The following CDK14 variants were observed in gnomAD, a reference collection of about 807,000 sequenced individuals.
CDK14 encodes cyclin dependent kinase 14.
In CDK14, 34 loss-of-function variants were observed where a neutral mutation model predicts 60.7. The ratio of observed to expected loss-of-function variants is 0.56; its 90% confidence interval spans 0.43 to 0.75. CDK14 has a LOEUF of 0.75. Ranked by LOEUF, CDK14 falls within the 30% of genes least tolerant of loss-of-function variation. The probability of loss-of-function intolerance (pLI) is 0.00; values close to 1 mark genes in which losing one functional copy is unlikely to be tolerated. For missense variants in CDK14, 482 were observed against 564.1 expected (o/e 0.85, Z 1.47); for synonymous variants, 197 against 203.7 (o/e 0.97, Z 0.28).
At chr7:90,737,158 C>T (rs965880426) in intron 3 of CDK14, among the ~76,000 whole-genome samples, 1 of 152,170 alleles carries the variant, frequency 6.6e-6, no homozygotes. Context: ...TCCTCTAACC[C>T]AGCTGTGCTC....
intron 8 of CDK14, among the ~76,000 whole-genome samples, chr7:90,919,274 A>G (rs1395431823): frequency 6.6e-6 from 1 of 152,186 alleles, no homozygotes; most frequent in Non-Finnish European, 1.5e-5. Flanking sequence ...GTATATTTAT[A>G]AAAAGCATTT....
intron 14 of CDK14, among the ~76,000 whole-genome samples, chr7:91,167,026 G>C (rs1245376103): frequency 1.3e-5 from 2 of 152,212 alleles, no homozygotes; most frequent in African/African-American, 4.8e-5. Flanking sequence ...CTTTAGTATA[G>C]ACAAATTGTA....
chr7:91,058,484 C>T (rs1229804783), intron 11 of CDK14, among the ~76,000 whole-genome samples: 1 of 152,120 alleles, frequency 6.6e-6, no homozygotes, highest in Non-Finnish European at 1.5e-5. Flanking sequence ...TGTCTTGTGC[C>T]AGTTTTCAAA....
chr7:91,171,591 C>T (rs1339878320), intron 14 of CDK14, among the ~76,000 whole-genome samples: 3 of 152,146 alleles, frequency 2.0e-5, no homozygotes, highest in African/African-American at 7.2e-5. Context: ...CTTCTCTGCT[C>T]AGATTTAATC....
intron 7 of CDK14, among the ~76,000 whole-genome samples, chr7:90,902,780 A>G (rs925480583): frequency 2.0e-5 from 3 of 152,204 alleles, no homozygotes; most frequent in Non-Finnish European, 4.4e-5. Context: ...TCTGCAAAGC[A>G]AAGGAAACAG....
At chr7:90,934,182 T>C (rs1473299454) in intron 8 of CDK14, among the ~76,000 whole-genome samples, 4 of 152,332 alleles carry the variant, frequency 2.6e-5, no homozygotes, top group Middle Eastern at 3.4e-3. Context: ...TTTCAGCATG[T>C]GTTTCTCTGG....
rs1215592847 is a variant in CDK14 at position 91,078,738 on chromosome 7, C to T, written c.1106-694C>T. Among the ~76,000 whole-genome samples the T allele has an allele frequency of 3.3e-5, 5 of 152,160 alleles. No individual in the cohort carries two copies. The South Asian group carries it at 6.2e-4, about 19-fold the overall frequency. On this transcript the variant is annotated intron_variant, in intron 11 of 14. Transcript: ENST00000380050. ...AAAATCAATGGTATATATGTTCGTACATAAGGATGGGTGTATTTCATAAAC... is the reference window on the plus strand; with the variant it reads ...AAAATCAATGGTATATATGTTCGTATATAAGGATGGGTGTATTTCATAAAC...
intron 5 of CDK14, among the ~76,000 whole-genome samples, chr7:90,819,726 A>G (rs1205295887): frequency 1.3e-5 from 2 of 152,182 alleles, no homozygotes; most frequent in African/African-American, 4.8e-5. Context: ...TAGGAAGAAG[A>G]GGATTTGCAA....
chr7:90,809,342 G>C (rs937146261), intron 5 of CDK14, among the ~76,000 whole-genome samples: 4 of 152,224 alleles, frequency 2.6e-5, no homozygotes, highest in African/African-American at 9.6e-5. Context: ...CAACTACATG[G>C]AAACTGAACA....
At chr7:90,967,705 A>G (rs1483136889) in intron 9 of CDK14, among the ~76,000 whole-genome samples, 1 of 152,250 alleles carries the variant, frequency 6.6e-6, no homozygotes, top group East Asian at 1.9e-4. Flanking sequence ...AGTGGATTAT[A>G]GAAAGTAGTT....
At chr7:90,631,806 T>G (rs1041084094) in intron 2 of CDK14, 3 of 152,174 alleles carry the variant, frequency 2.0e-5, no homozygotes, top group African/African-American at 7.2e-5. Flanking sequence ...TAATTGGAGC[T>G]AGAAAGATAC....
At chr7:90,668,467 A>G (rs1046360680) in intron 2 of CDK14, among the ~76,000 whole-genome samples, 1 of 151,688 alleles carries the variant, frequency 6.6e-6, no homozygotes, top group Non-Finnish European at 1.5e-5. Context: ...TTGTCTTTTC[A>G]TTTTCTTAAT....
At chr7:90,784,331 A>T (rs959660818) in intron 4 of CDK14, among the ~76,000 whole-genome samples, 5 of 152,182 alleles carry the variant, frequency 3.3e-5, no homozygotes, top group African/African-American at 9.7e-5. Context: ...AGATAGAAGG[A>T]ATAAGACCAT....
intron 10 of CDK14, among the ~76,000 whole-genome samples, chr7:91,025,348 G>A (rs1796541400): frequency 6.6e-6 from 1 of 152,064 alleles, no homozygotes; most frequent in Non-Finnish European, 1.5e-5. Context: ...TCCAAAGATT[G>A]TCCAAAGAAG....
intron 2 of CDK14, among the ~76,000 whole-genome samples, chr7:90,639,541 G>A (rs1584760420): frequency 4.6e-5 from 7 of 152,024 alleles, no homozygotes; most frequent in Admixed American, 3.9e-4. Flanking sequence ...TGTACCTACT[G>A]GGGTGTGCCT....
At chr7:90,957,465 C>T (rs994513238) in intron 9 of CDK14, among the ~76,000 whole-genome samples, 1 of 151,930 alleles carries the variant, frequency 6.6e-6, no homozygotes, top group Non-Finnish European at 1.5e-5. Context: ...ATTGTCTCAG[C>T]CCAAAATCTC....
At chr7:90,900,240 T>A (rs986995638) in intron 7 of CDK14, among the ~76,000 whole-genome samples, 2 of 152,148 alleles carry the variant, frequency 1.3e-5, no homozygotes, top group South Asian at 4.1e-4. Context: ...TAGGAACTTA[T>A]AGGAAATCTG....
intron 5 of CDK14, among the ~76,000 whole-genome samples, chr7:90,840,416 G>A (rs1163053303): frequency 6.6e-6 from 1 of 152,144 alleles, no homozygotes; most frequent in Non-Finnish European, 1.5e-5. Flanking sequence ...ATAGTGATTT[G>A]CCAAAAATAT....
chr7:90,973,107 T>C (rs1794974787), intron 9 of CDK14, among the ~76,000 whole-genome samples: 1 of 152,198 alleles, frequency 6.6e-6, no homozygotes, highest in Admixed American at 6.5e-5. Context: ...GTTCATCTGC[T>C]TGCCTCCTGT....
Sources: allele counts gnomAD v4.1 joint callset (sites outside exome capture counted in the v4.1 genomes callset), GRCh38; gene constraint gnomAD v4.1.1; transcripts MANE v1.5; gene names NCBI Gene and HGNC (gene_info 2026-07-23, HGNC 2026-07-21).